DAB1: variants seen among roughly 807,000 people sequenced by gnomAD.
DAB1 encodes DAB adaptor protein 1.
In DAB1, 15 loss-of-function variants were observed where a neutral mutation model predicts 64.6. That is an observed-to-expected ratio of 0.23 (90% CI 0.16 to 0.36). The LOEUF is 0.36. Ranked by LOEUF, DAB1 falls within the 10% of genes least tolerant of loss-of-function variation. The pLI is 1.00. For missense variants in DAB1, 596 were observed against 706.7 expected (o/e 0.84, Z 1.78); for synonymous variants, 235 against 251.9 (o/e 0.93, Z 0.64).
intron 7 of DAB1, among the ~76,000 whole-genome samples, chr1:57,430,709 T>G (rs907289500): frequency 6.6e-6 from 1 of 152,172 alleles, no homozygotes; most frequent in East Asian, 1.9e-4. Flanking sequence ...TTAATAGAGA[T>G]GTAATATGCT....
intron 1 of DAB1, among the ~76,000 whole-genome samples, chr1:57,376,230 A>T (rs976152922): frequency 6.6e-6 from 1 of 151,998 alleles, no homozygotes; most frequent in African/African-American, 2.4e-5. Flanking sequence ...CTCTAGTTAA[A>T]CCCTTTCCAC....
At chr1:58,222,891 G>C (rs530249295) in intron 4 of DAB1, among the ~76,000 whole-genome samples, 3 of 152,294 alleles carry the variant, frequency 2.0e-5, no homozygotes, top group South Asian at 2.1e-4. Context: ...CCATTTTACA[G>C]CTGAGGACAC....
intron 6 of DAB1, among the ~76,000 whole-genome samples, chr1:57,794,314 C>T (rs768812608): frequency 9.8e-4 from 149 of 152,302 alleles, no homozygotes; most frequent in Non-Finnish European, 1.9e-3. Context: ...CTCCTCAGCA[C>T]GAGGCTCAAG....
At chr1:57,020,311 T>G (rs78219217) in intron 11 of DAB1, among the ~76,000 whole-genome samples, 2,418 of 152,340 alleles carry the variant, frequency 0.016, 64 homozygotes, top group African/African-American at 0.055. Flanking sequence ...AAACATCTGT[T>G]GAGTGCTTAC....
intron 14 of DAB1, among the ~76,000 whole-genome samples, chr1:57,003,651 C>A (rs1645954442): frequency 1.3e-5 from 2 of 152,092 alleles, no homozygotes; most frequent in Non-Finnish European, 2.9e-5. Flanking sequence ...TCTTTCATCA[C>A]CCCAAACAGA....
intron 1 of DAB1, among the ~76,000 whole-genome samples, chr1:57,360,413 T>C (rs1215628805): frequency 2.0e-5 from 3 of 152,040 alleles, no homozygotes; most frequent in Non-Finnish European, 2.9e-5. Context: ...GATAAGCCCA[T>C]GTCAATACTA....
At chr1:57,420,525 T>C (rs1442666977) in intron 1 of DAB1, among the ~76,000 whole-genome samples, 2 of 152,240 alleles carry the variant, frequency 1.3e-5, no homozygotes, top group Non-Finnish European at 2.9e-5. Context: ...AGGTTAATTA[T>C]TCTTTTTTAT....
At chr1:57,647,374 AG>A (rs1223753275) in intron 7 of DAB1, among the ~76,000 whole-genome samples, 3 of 152,318 alleles carry the variant, frequency 2.0e-5, no homozygotes, top group East Asian at 1.9e-4. Flanking sequence ...CCAGTTGGAG[AG>A]GTGGTAACTC....
intron 5 of DAB1, among the ~76,000 whole-genome samples, chr1:57,911,503 C>A (rs1363697889): frequency 6.6e-6 from 1 of 152,252 alleles, no homozygotes; most frequent in East Asian, 1.9e-4. Context: ...CTTTGTTGAT[C>A]TCAGGCCTCT....
chr1:58,040,395 G>T (rs1022847663), intron 5 of DAB1, among the ~76,000 whole-genome samples: 1 of 152,146 alleles, frequency 6.6e-6, no homozygotes, highest in African/African-American at 2.4e-5. Context: ...GGTTGTCAAA[G>T]GACTTCACAG....
chr1:58,341,323 GGAAA>G (rs1271100432), intron 4 of DAB1, among the ~76,000 whole-genome samples: 5 of 152,080 alleles, frequency 3.3e-5, no homozygotes, highest in African/African-American at 1.2e-4. Flanking sequence ...CTGTGGCCCA[GGAAA>G]GTCGCATGCT....
At chr1:58,280,923 G>C (rs1661545749) in intron 4 of DAB1, among the ~76,000 whole-genome samples, 1 of 152,198 alleles carries the variant, frequency 6.6e-6, no homozygotes, top group Admixed American at 6.5e-5. Context: ...AAGAGGCTAA[G>C]AGAAGAGTGA....
At chr1:58,506,206 A>C (rs964764772) in exon 3 of DAB1, 2 of 866,632 alleles carry the variant, frequency 2.3e-6, no homozygotes, top group African/African-American at 3.3e-5. Context: ...ATGTCTGCAC[A>C]AGCCTAAAAC....
At chr1:57,138,147 C>T (rs918331606) in intron 3 of DAB1, among the ~76,000 whole-genome samples, 6 of 152,160 alleles carry the variant, frequency 3.9e-5, no homozygotes, top group African/African-American at 1.4e-4. Context: ...TGTTTAGACA[C>T]CTGCTAGGAG....
At chr1:57,553,414 GAA>G (rs752389243) in intron 7 of DAB1, among the ~76,000 whole-genome samples, 1 of 20,358 alleles carries the variant, frequency 4.9e-5, no homozygotes, top group Admixed American at 4.6e-4. Context: ...AAGAAAGAAA[GAA>G]AGAAAGAAAG....
intron 5 of DAB1, among the ~76,000 whole-genome samples, chr1:58,070,303 T>C (rs559058648): frequency 3.3e-5 from 5 of 152,312 alleles, no homozygotes; most frequent in African/African-American, 1.2e-4. Context: ...GGAAGGGAAT[T>C]GGGCAGTTGT....
chr1:57,724,579 A>T (rs1418523756), intron 6 of DAB1, among the ~76,000 whole-genome samples: 1 of 152,188 alleles, frequency 6.6e-6, no homozygotes, highest in Admixed American at 6.5e-5. Context: ...TTCAATAAAA[A>T]TCAGAAGCTT....
intron 3 of DAB1, among the ~76,000 whole-genome samples, chr1:58,385,691 C>A (rs781280385): frequency 1.2e-4 from 18 of 152,098 alleles, no homozygotes; most frequent in Non-Finnish European, 1.9e-4. Flanking sequence ...CCTAATGGAC[C>A]CAGGATGCAA....
chr1:57,985,516 C>T (rs576324074), intron 5 of DAB1, among the ~76,000 whole-genome samples: 9 of 152,048 alleles, frequency 5.9e-5, no homozygotes, highest in East Asian at 3.9e-4. Flanking sequence ...ACATAATATA[C>T]GCTTAATATG....
Sources: gnomAD v4.1 joint callset for allele counts (sites outside exome capture counted in the v4.1 genomes callset) on GRCh38, gnomAD v4.1.1 for gene constraint, MANE v1.5 for transcripts, NCBI Gene and HGNC (gene_info 2026-07-23, HGNC 2026-07-21) for gene names.